The following MATR3 variants were observed in gnomAD, a reference collection of about 807,000 sequenced individuals.
MATR3 encodes the protein matrin-3.
In MATR3, 4 loss-of-function variants were observed where a neutral mutation model predicts 85.5. The observed-to-expected ratio is 0.05, with a 90% CI of 0.02 to 0.11. The LOEUF (loss-of-function observed/expected upper bound fraction) is 0.11, where lower values mean the gene tolerates loss of function less well. Among genes scored for constraint, MATR3 ranks in the 10% least tolerant of loss-of-function variants. MATR3 has a pLI of 1.00. For synonymous variants in MATR3, 336 were observed against 343.1 expected, an observed-to-expected ratio of 0.98 and a Z score of 0.23; for missense variants, 685 against 1,016.1, an observed-to-expected ratio of 0.67 and a Z score of 4.43.
At chr5:139,324,907 C>T (rs182242050) in intron 12 of MATR3, among the ~76,000 whole-genome samples, 72 of 152,114 alleles carry the variant, frequency 4.7e-4, no homozygotes, top group Admixed American at 1.7e-3. Context: ...AAGACAAAGA[C>T]GCGGCCGGGC....
At chr5:139,316,025 T>G (rs1282840439) in intron 4 of MATR3, 51 bp from the exon 5 acceptor site, 1 of 1,327,664 alleles carries the variant, frequency 7.5e-7, no homozygotes. Flanking sequence ...CTTAATTCTT[T>G]CCAATGGACC....
rs1342907107 is a variant in MATR3 at position 139,331,181 on chromosome 5, T to C, written c.*1786T>C. On this transcript the variant is annotated 3_prime_UTR_variant, in exon 15 of 15. Transcript: ENST00000394805. ...CAGACCCCAGTTTATTAAAGGATAC[T>C]TCAAATAGTTGGCTAAATTTTATGA... 2.2e-6 allele frequency: 1 copy of C among 454,156 alleles called. No homozygotes were observed. The highest frequency in any genetic ancestry group is 4.4e-6 in the Non-Finnish European group (1 of 226,800). 28.1% of individuals were successfully genotyped at this position (454,156 alleles called of 1,614,324 possible). A position where few individuals can be genotyped will look rare whatever the true frequency, so the allele number is the denominator to read the frequency against.
rs574342690 is a variant in MATR3 at position 139,296,824 on chromosome 5, A to C, written c.-178+3019A>C. Among the ~76,000 whole-genome samples, 3 of 152,316 alleles carry C rather than the reference A, an allele frequency of 2.0e-5. No individual in the cohort carries two copies. The South Asian group carries it at 6.2e-4, about 32-fold the overall frequency. ...CTTTTTGTTAGGGATACTTGATTTT[A>C]TATATCTCCTTTAGTTAGAATTACA... On this transcript the variant is annotated intron_variant, in intron 1 of 14. Coordinates refer to ENST00000394805, the MANE Select transcript of MATR3 (RefSeq NM_018834.6).
intron 3 of MATR3, chr5:139,279,868 G>A (rs1753450456): frequency 6.6e-6 from 1 of 152,214 alleles, no homozygotes; most frequent in South Asian, 2.1e-4. Flanking sequence ...GAGCTCTGCT[G>A]TGCAGTAGGT....
intron 1 of MATR3, among the ~76,000 whole-genome samples, chr5:139,303,418 G>A (rs1331374221): frequency 6.6e-6 from 1 of 152,174 alleles, no homozygotes; most frequent in Non-Finnish European, 1.5e-5. Context: ...ATTATTTAAA[G>A]GAGTGATTAT....
chr5:139,328,257 CT>C (rs1353180618), intron 14 of MATR3, among the ~76,000 whole-genome samples: 2 of 150,464 alleles, frequency 1.3e-5, no homozygotes, highest in Non-Finnish European at 3.0e-5. Flanking sequence ...TAAATTGATA[CT>C]TTCCTAACTG....
At chr5:139,315,666 T>C (rs1197933674) in intron 3 of MATR3, 31 bp from the exon 4 acceptor site, 1 of 1,529,512 alleles carries the variant, frequency 6.5e-7, no homozygotes, top group Admixed American at 1.7e-5. Flanking sequence ...GACAGTTTTA[T>C]TTTAAAGTTA....
At position 139,325,518 on chromosome 5, in the gene MATR3, C is replaced by T. The variant is rs1452954379; in HGVS notation, c.2227C>T (p.Pro743Ser). 30 of 1,614,028 alleles carry T rather than the reference C, an allele frequency of 1.9e-5. No homozygotes were observed. Among genetic ancestry groups the T allele is most frequent in the Non-Finnish European group, 2.4e-5 (28 of 1,180,036 alleles). Residue 743 changes from proline to serine, a missense_variant, in exon 13 of 15, where the codon CCA (proline) becomes TCA (serine). Transcript: ENST00000394805. ...NGIKNEENTE[P>S]GAESSENADD... is the part of the protein sequence containing the mutation. ...AATTAAAAATGAGGAAAACACAGAA[C>T]CAGGTGCTGAATCTTCTGAGAACGC...
chr5:139,290,438 CT>C (rs762364450), upstream of MATR3, among the ~76,000 whole-genome samples: 130 of 44,954 alleles, frequency 2.9e-3, 1 homozygote, highest in East Asian at 0.04. Flanking sequence ...CCTGGCCGCT[CT>C]TTTTTTTTTT....
chr5:139,278,535 G>C (rs1753385123), intron 2 of MATR3: 1 of 367,046 alleles, frequency 2.7e-6, no homozygotes, highest in South Asian at 2.0e-5. Context: ...TGAAGGAAAG[G>C]ACAATATATC....
At chr5:139,279,287 G>A in intron 3 of MATR3, 1 of 391,540 alleles carries the variant, frequency 2.6e-6, no homozygotes, top group Non-Finnish European at 5.1e-6. Flanking sequence ...AGAGTACAGT[G>A]GCTCGATCTC....
At chr5:139,278,194 T>C (rs1332588395) in intron 2 of MATR3, 3 of 279,530 alleles carry the variant, frequency 1.1e-5, no homozygotes, top group Non-Finnish European at 2.2e-5. Flanking sequence ...GTCATGCCAC[T>C]GCACTCAGTC....
At position 139,331,406 on chromosome 5, in the gene MATR3, C is replaced by A. The variant is rs1756142846; in HGVS notation, c.*2011C>A. On this transcript the variant is annotated 3_prime_UTR_variant, in exon 15 of 15. Transcript: ENST00000394805. ...CCTTTCAGTGATGGCTTTTTCATAG[C>A]TTCAACTTTGTTGGATTTAGCAAGT... 2.2e-6 allele frequency: 1 copy of A among 453,972 alleles called. No homozygotes were observed. Among genetic ancestry groups the A allele is most frequent in the Non-Finnish European group, 4.4e-6 (1 of 226,802 alleles). The allele number at this position is 453,972 out of a possible 1,614,324, so 28.1% of individuals were successfully genotyped here. A position where few individuals can be genotyped will look rare whatever the true frequency, so the allele number is the denominator to read the frequency against.
At chr5:139,281,031 T>G (rs565909585) in intron 3 of MATR3, among the ~76,000 whole-genome samples, 1 of 152,280 alleles carries the variant, frequency 6.6e-6, no homozygotes, top group East Asian at 1.9e-4. Flanking sequence ...TCTTTTTTGA[T>G]AGAGGGTCTC....
Position 139,315,726 on chromosome 5 carries a change from C to A in MATR3, c.1004C>A (p.Thr335Lys), listed in dbSNP as rs1755207075. 1.2e-6 allele frequency: 2 copies of A among 1,610,480 alleles called. No homozygotes were observed. The change falls in exon 4 of 15, where the codon ACA becomes AAA. Residue 335 changes from threonine to lysine, a missense_variant. Physicochemically the swap from Thr to Lys is moderately conservative, Grantham distance 78. Transcript: ENST00000394805. The stretch of plus-strand genomic sequence containing the variant: ...CCAGAATGGAATCCTGACAATGATA[C>A]AGGACACACAATGTAAGTTAAATTT... ...IYPEWNPDND[T>K]GHTMGDPFML...
chr5:139,329,490 A>G lies in MATR3; in HGVS notation c.*95A>G, dbSNP rs1347168722. ...AATACAATACTGATAGTTAGAAGAA[A>G]ACTATTGTACTCTTTTGTTTTAGTG... is the stretch of plus-strand genomic sequence containing the variant. On this transcript the variant is annotated 3_prime_UTR_variant, in exon 15 of 15. Coordinates refer to ENST00000394805, the MANE Select transcript of MATR3 (RefSeq NM_018834.6). 3 of 1,031,222 alleles carry G rather than the reference A, an allele frequency of 2.9e-6. No individual in the cohort carries two copies. Among genetic ancestry groups the G allele is most frequent in the Non-Finnish European group, 4.5e-6 (3 of 666,340 alleles). 63.9% of individuals were successfully genotyped at this position (1,031,222 alleles called of 1,614,324 possible).
chr5:139,293,720 C>T (rs3749667), upstream of MATR3: 379 of 356,616 alleles, frequency 1.1e-3, 3 homozygotes, highest in East Asian at 0.015. Context: ...CTCGCCAGCG[C>T]CGTTGCTGCG....
chr5:139,302,305 A>C (rs1309442225), intron 1 of MATR3, among the ~76,000 whole-genome samples: 1 of 152,182 alleles, frequency 6.6e-6, no homozygotes, highest in African/African-American at 2.4e-5. Flanking sequence ...TGCCATACTG[A>C]GATGAGATTG....
chr5:139,326,390 A>G (rs1365464330), intron 14 of MATR3, 106 bp downstream of exon 14: 5 of 1,031,580 alleles, frequency 4.8e-6, no homozygotes, highest in African/African-American at 3.2e-5. Context: ...GACTCAGTGC[A>G]GTGCTTTCTC....
Sources: allele counts gnomAD v4.1 joint callset (sites outside exome capture counted in the v4.1 genomes callset), GRCh38; gene constraint gnomAD v4.1.1; transcripts MANE v1.5; gene names NCBI Gene and HGNC (gene_info 2026-07-23, HGNC 2026-07-21).